The following MRTFA variants were observed in gnomAD, a reference collection of about 807,000 sequenced individuals.
The protein encoded by MRTFA is myocardin related transcription factor A, also known as myocardin-related transcription factor A.
MRTFA carries 20 observed loss-of-function variants against 83.5 expected under a neutral mutation model. That is an observed-to-expected ratio of 0.24 (90% CI 0.17 to 0.35). The LOEUF is 0.35. Among genes scored for constraint, MRTFA ranks in the 10% least tolerant of loss-of-function variants. The probability of loss-of-function intolerance (pLI) is 1.00; values close to 1 mark genes in which losing one functional copy is unlikely to be tolerated. For synonymous variants in MRTFA, 659 were observed against 541.2 expected (o/e 1.22, Z -3.02); for missense variants, 1,200 against 1,224.7 (o/e 0.98, Z 0.30).
intron 4 of MRTFA, among the ~76,000 whole-genome samples, chr22:40,444,527 TA>T (rs2053339553): frequency 6.6e-6 from 1 of 152,068 alleles, no homozygotes; most frequent in Non-Finnish European, 1.5e-5. Context: ...TTTGGAAAAC[TA>T]AAAGAAAAAA....
At chr22:40,493,346 A>G (rs2054300257) in intron 3 of MRTFA, among the ~76,000 whole-genome samples, 1 of 152,200 alleles carries the variant, frequency 6.6e-6, no homozygotes, top group South Asian at 2.1e-4. Context: ...GAGACACAAA[A>G]ATGAAAACCT....
At chr22:40,504,713 A>C (rs1365600521) in intron 3 of MRTFA, among the ~76,000 whole-genome samples, 1 of 152,342 alleles carries the variant, frequency 6.6e-6, no homozygotes, top group African/African-American at 2.4e-5. Context: ...ATTTGATCAG[A>C]ATCCTCAACT....
chr22:40,516,351 T>G (rs988493863), intron 3 of MRTFA, among the ~76,000 whole-genome samples: 21 of 127,012 alleles, frequency 1.7e-4, no homozygotes, highest in Non-Finnish European at 1.6e-4. Context: ...ACCTGGCAGG[T>G]GGGGGTTGCA....
At chr22:40,628,721 C>G (rs1246490710) in intron 1 of MRTFA, among the ~76,000 whole-genome samples, 1 of 152,106 alleles carries the variant, frequency 6.6e-6, no homozygotes, top group Non-Finnish European at 1.5e-5. Flanking sequence ...TCTATTACTG[C>G]TATATGAGCC....
chr22:40,570,290 T>C (rs540961828), intron 2 of MRTFA, among the ~76,000 whole-genome samples: 1 of 152,056 alleles, frequency 6.6e-6, no homozygotes, highest in East Asian at 1.9e-4. Flanking sequence ...TTTTAAGAAC[T>C]GGGGGCCAGG....
chr22:40,507,649 C>T (rs1021739272), intron 3 of MRTFA, among the ~76,000 whole-genome samples: 1 of 151,492 alleles, frequency 6.6e-6, no homozygotes, highest in African/African-American at 2.4e-5. Flanking sequence ...AGATTAAGAA[C>T]CACTGGGTTA....
chr22:40,473,994 T>C (rs551755433), intron 3 of MRTFA, among the ~76,000 whole-genome samples: 26 of 152,286 alleles, frequency 1.7e-4, no homozygotes, highest in Middle Eastern at 3.4e-3. Context: ...ACTACCAATA[T>C]AAGGATTGGG....
chr22:40,619,376 T>C (rs2056492095), intron 1 of MRTFA, among the ~76,000 whole-genome samples: 1 of 152,072 alleles, frequency 6.6e-6, no homozygotes, highest in South Asian at 2.1e-4. Flanking sequence ...CAGAAGGAAA[T>C]GAGGAACACG....
chr22:40,425,025 G>A (rs2052924445), intron 7 of MRTFA, among the ~76,000 whole-genome samples: 2 of 152,204 alleles, frequency 1.3e-5, no homozygotes, highest in African/African-American at 4.8e-5. Context: ...CTCCTCTAGA[G>A]GCCAGTGGCT....
intron 3 of MRTFA, among the ~76,000 whole-genome samples, chr22:40,546,796 C>A (rs1333138291): frequency 1.3e-5 from 2 of 152,202 alleles, no homozygotes; most frequent in African/African-American, 4.8e-5. Context: ...GCCTTCTACT[C>A]CACTGAGAAA....
At chr22:40,593,224 C>G (rs147973810) in intron 2 of MRTFA, among the ~76,000 whole-genome samples, 1 of 152,112 alleles carries the variant, frequency 6.6e-6, no homozygotes, top group East Asian at 1.9e-4. Context: ...CTCCAGAAAA[C>G]AAATGAAGTA....
At chr22:40,413,637 G>A (rs1022409173) in intron 14 of MRTFA, among the ~76,000 whole-genome samples, 1 of 151,456 alleles carries the variant, frequency 6.6e-6, no homozygotes, top group Non-Finnish European at 1.5e-5. Flanking sequence ...TAAAGACGGG[G>A]TTTCACCATG....
chr22:40,549,457 C>T (rs1026888352), intron 3 of MRTFA, among the ~76,000 whole-genome samples: 4 of 152,110 alleles, frequency 2.6e-5, no homozygotes, highest in African/African-American at 9.7e-5. Flanking sequence ...CAAAAAGAAA[C>T]CACCAACAGA....
intron 3 of MRTFA, among the ~76,000 whole-genome samples, chr22:40,504,680 TGTAA>T (rs1274844400): frequency 6.6e-6 from 1 of 152,222 alleles, no homozygotes; most frequent in East Asian, 1.9e-4. Flanking sequence ...CAGTTACTTA[TGTAA>T]GTGAGAAACC....
At chr22:40,592,160 G>GC (rs1257379950) in intron 2 of MRTFA, among the ~76,000 whole-genome samples, 2 of 150,588 alleles carry the variant, frequency 1.3e-5, no homozygotes, top group Admixed American at 1.3e-4. Flanking sequence ...AGGCATGGTG[G>GC]CTCATGCCTG....
At chr22:40,483,476 G>A (rs1016180378) in intron 3 of MRTFA, among the ~76,000 whole-genome samples, 1 of 151,472 alleles carries the variant, frequency 6.6e-6, no homozygotes, top group South Asian at 2.1e-4. Flanking sequence ...ACGAGGTCAG[G>A]AGATCAAGAC....
At chr22:40,475,175 A>G (rs1054936480) in intron 3 of MRTFA, among the ~76,000 whole-genome samples, 3 of 152,168 alleles carry the variant, frequency 2.0e-5, no homozygotes, top group African/African-American at 7.2e-5. Context: ...CATTAGAGCT[A>G]GGAGTTCTGT....
intron 3 of MRTFA, among the ~76,000 whole-genome samples, chr22:40,508,755 C>T (rs965088094): frequency 1.3e-5 from 2 of 149,690 alleles, no homozygotes; most frequent in Non-Finnish European, 3.0e-5. Context: ...TGGTGGCTCA[C>T]ACCTGTAATC....
chr22:40,506,094 C>T (rs1029426455), intron 3 of MRTFA, among the ~76,000 whole-genome samples: 13 of 152,006 alleles, frequency 8.6e-5, no homozygotes, highest in African/African-American at 2.9e-4. Context: ...ATCAGCCGGG[C>T]ATGGTAGCGG....
Sources: allele counts gnomAD v4.1 joint callset (sites outside exome capture counted in the v4.1 genomes callset), GRCh38; gene constraint gnomAD v4.1.1; transcripts MANE v1.5; gene names NCBI Gene and HGNC (gene_info 2026-07-23, HGNC 2026-07-21).